SLC5A5: variants seen among roughly 807,000 people sequenced by gnomAD.
SLC5A5 encodes solute carrier family 5 member 5.
Under a neutral mutation model 68.6 loss-of-function variants are expected in SLC5A5, and 56 were observed. The observed-to-expected ratio is 0.82, with a 90% confidence interval of 0.66 to 1.02. SLC5A5 has a LOEUF of 1.02. SLC5A5 is among the 50% of genes least tolerant of loss of function. The pLI, the probability that SLC5A5 is intolerant of heterozygous loss-of-function variation, is 0.00. For synonymous variants in SLC5A5, 398 were observed against 373.0 expected (o/e 1.07, Z -0.77); for missense variants, 807 against 859.8 (o/e 0.94, Z 0.77).
Position 17,894,105 on chromosome 19 carries a change from A to C in SLC5A5, c.*228A>C. 2 of 482,170 alleles carry C rather than the reference A, an allele frequency of 4.1e-6. No individual in the cohort carries two copies. Among genetic ancestry groups the C allele is most frequent in the Non-Finnish European group, 7.4e-6 (2 of 270,054 alleles). The allele number at this position is 482,170 out of a possible 1,614,324, so 29.9% of individuals were successfully genotyped here. On this transcript the variant is annotated 3_prime_UTR_variant, in exon 15 of 15. Coordinates refer to ENST00000222248, the MANE Select transcript of SLC5A5 (RefSeq NM_000453.3). ...CCCAGTATTAGACGCTGCAGCCCTG[A>C]CGGCTCCCCCCAAATAAGGCTGGGT...
chr19:17,873,540 G>C (rs1473993056), intron 1 of SLC5A5, among the ~76,000 whole-genome samples: 1 of 151,880 alleles, frequency 6.6e-6, no homozygotes, highest in African/African-American at 2.4e-5. Flanking sequence ...GGTGGATCAC[G>C]AGGTCAGGAG....
At chr19:17,885,009 A>ATTTTT (rs71164317) in intron 12 of SLC5A5, among the ~76,000 whole-genome samples, 1 of 132,414 alleles carries the variant, frequency 7.6e-6, no homozygotes. Context: ...AACATTTTCT[A>ATTTTT]TTTTTTTTTT....
At chr19:17,876,790 A>G (rs1314713516) in intron 5 of SLC5A5, among the ~76,000 whole-genome samples, 1 of 151,820 alleles carries the variant, frequency 6.6e-6, no homozygotes, top group Non-Finnish European at 1.5e-5. Context: ...TGAACCCAGG[A>G]GGCAGAGGTT....
chr19:17,880,466 C>T (rs2299454), intron 7 of SLC5A5, among the ~76,000 whole-genome samples: 9 of 152,284 alleles, frequency 5.9e-5, no homozygotes, highest in Non-Finnish European at 1.0e-4. Context: ...CCACCCGCCT[C>T]GGCCTCCCGA....
At chr19:17,874,466 G>A (rs1001424034) in intron 2 of SLC5A5, 28 bp from the exon 3 acceptor site, 7 of 1,612,954 alleles carry the variant, frequency 4.3e-6, no homozygotes, top group African/African-American at 1.3e-5. Flanking sequence ...CGCCCTCCCT[G>A]CTCACCCGCC....
intron 7 of SLC5A5, among the ~76,000 whole-genome samples, chr19:17,880,064 A>G (rs1055878134): frequency 6.6e-6 from 1 of 151,556 alleles, no homozygotes; most frequent in African/African-American, 2.4e-5. Flanking sequence ...ATGCCCAGCT[A>G]ATTTTTTTGT....
At chr19:17,890,680 C>A (rs942322649) in intron 13 of SLC5A5, among the ~76,000 whole-genome samples, 39 of 152,262 alleles carry the variant, frequency 2.6e-4, no homozygotes, top group African/African-American at 9.4e-4. Context: ...AGCCACCATA[C>A]CTGGCCTCAC....
chr19:17,882,282 C>G, intron 10 of SLC5A5, 63 bp downstream of exon 10: 1 of 1,332,900 alleles, frequency 7.5e-7, no homozygotes, highest in Non-Finnish European at 1.1e-6. Context: ...TCCCTCTTTC[C>G]CATTAAACTG....
Position 17,877,711 on chromosome 19 carries a change from G to A in SLC5A5, c.699-12G>A. 1 of 1,613,958 alleles carries A rather than the reference G, an allele frequency of 6.2e-7. No homozygotes were observed. Reference sequence around the variant, plus strand: ...CATCTCCACGTGGCTAACTTGCCCTGTCCCCACCCAGCTTTAACCCTGACC... The same window carrying A: ...CATCTCCACGTGGCTAACTTGCCCTATCCCCACCCAGCTTTAACCCTGACC... On this transcript the variant is annotated splice_polypyrimidine_tract_variant and intron_variant, in intron 5 of 14. Coordinates refer to ENST00000222248, the MANE Select transcript of SLC5A5 (RefSeq NM_000453.3).
chr19:17,880,610 C>T (rs574324894), intron 7 of SLC5A5, among the ~76,000 whole-genome samples: 5 of 152,286 alleles, frequency 3.3e-5, no homozygotes, highest in East Asian at 1.9e-4. Context: ...GCAGGAAGAT[C>T]GCTTGAGCCC....
At chr19:17,885,818 G>GTA (rs1282062179) in intron 12 of SLC5A5, among the ~76,000 whole-genome samples, 4 of 152,044 alleles carry the variant, frequency 2.6e-5, no homozygotes, top group African/African-American at 7.2e-5. Flanking sequence ...GGCATTTCAT[G>GTA]TAAATGGAAT....
chr19:17,881,001 C>A, intron 8 of SLC5A5, 48 bp downstream of exon 8: 1 of 1,373,478 alleles, frequency 7.3e-7, no homozygotes, highest in Non-Finnish European at 1.0e-6. Flanking sequence ...CCCCTGGGAG[C>A]CTCCTTATCC....
At chr19:17,874,341 C>T (rs1394887080) in intron 2 of SLC5A5, 138 bp downstream of exon 2, 13 of 872,842 alleles carry the variant, frequency 1.5e-5, no homozygotes, top group East Asian at 2.5e-5. Flanking sequence ...TCAGTCCCCT[C>T]CCACACCACA....
chr19:17,875,939 T>C lies in SLC5A5; in HGVS notation c.544-13T>C, dbSNP rs1228313235. The C allele has an allele frequency of 6.2e-7, 1 of 1,613,884 alleles. No individual in the cohort carries two copies. ...CTAACCGCCCCTCTCCCTCTCTCTG[T>C]CCCATGCTGCAGGGCGGCATGAAGG... On this transcript the variant is annotated splice_polypyrimidine_tract_variant and intron_variant, in intron 4 of 14. Transcript: ENST00000222248.
chr19:17,883,692 C>T lies in SLC5A5; in HGVS notation c.1254C>T (p.Thr418=), dbSNP rs765574826. The T allele has an allele frequency of 2.0e-5, 33 of 1,612,864 alleles. No homozygotes were observed. The South Asian group carries it at 2.7e-4, about 13-fold the overall frequency. Residue 418 remains threonine, a synonymous_variant, in exon 11 of 15, where the codon ACC becomes ACT. Transcript: ENST00000222248. The stretch of plus-strand genomic sequence containing the variant: ...ACCTACTCTCCCAGGGCTCCTTCAC[C>T]GTCATGGGAGTCATCAGCGGCCCCC... The part of the protein sequence containing the change: ...LGGGVLQGSF[T]VMGVISGPLL...
At chr19:17,892,695 A>AGAGAGAGAGAGAGCGAGAGC in intron 14 of SLC5A5, among the ~76,000 whole-genome samples, 2 of 148,722 alleles carry the variant, frequency 1.3e-5, no homozygotes, top group South Asian at 4.3e-4. Flanking sequence ...AGAGAGAGAG[A>AGAGAGAGAGAGAGCGAGAGC]GAGCAAGCTA....
chr19:17,873,986 G>C lies in SLC5A5; in HGVS notation c.358-152G>C. 4.3e-6 allele frequency: 3 copies of C among 698,814 alleles called. No homozygotes were observed. The South Asian group carries it at 4.6e-5, about 11-fold the overall frequency. The allele number at this position is 698,814 out of a possible 1,614,324, so 43.3% of individuals were successfully genotyped here. A position where few individuals can be genotyped will look rare whatever the true frequency, so the allele number is the denominator to read the frequency against. On this transcript the variant is annotated intron_variant, in intron 1 of 14. Transcript: ENST00000222248. Reference sequence around the variant, plus strand: ...CACGGGATGGCACCTGTGCACGGGTGTGTGCGTGCGGCGGGGCCCCCACGT... The same window carrying C: ...CACGGGATGGCACCTGTGCACGGGTCTGTGCGTGCGGCGGGGCCCCCACGT...
rs2094319198 is a variant in SLC5A5 at position 17,880,863 on chromosome 19, A to G, written c.970-2A>G. The G allele has an allele frequency of 6.2e-7, 1 of 1,612,684 alleles. No homozygotes were observed. The highest frequency in any genetic ancestry group is 8.5e-7 in the Non-Finnish European group (1 of 1,179,276). ...GGGAGGCTGACCCCCAGTTCTCCCC[A>G]GTACATGCCTCTGCTGGTGCTGGAC... On this transcript the variant is annotated splice_acceptor_variant, in intron 7 of 14. Coordinates refer to ENST00000222248, the MANE Select transcript of SLC5A5 (RefSeq NM_000453.3). LOFTEE classifies it high-confidence loss of function.
At chr19:17,882,249 C>T (rs1329365269) in intron 10 of SLC5A5, 30 bp downstream of exon 10, 1 of 1,582,520 alleles carries the variant, frequency 6.3e-7, no homozygotes, top group Admixed American at 1.7e-5. Flanking sequence ...CTGCCCTGGT[C>T]TCCTGAGAGG....
Sources: gnomAD v4.1 joint callset for allele counts (sites outside exome capture counted in the v4.1 genomes callset) on GRCh38, gnomAD v4.1.1 for gene constraint, MANE v1.5 for transcripts, NCBI Gene and HGNC (gene_info 2026-07-23, HGNC 2026-07-21) for gene names.